Variants in RANGAP1 observed in about 807,000 individuals in gnomAD.
RANGAP1 encodes Ran GTPase activating protein 1.
A neutral mutation model predicts 63.5 loss-of-function variants in RANGAP1; 38 were observed. The ratio of observed to expected loss-of-function variants is 0.60; its 90% confidence interval spans 0.46 to 0.78. The LOEUF (loss-of-function observed/expected upper bound fraction) is 0.78. Ranked by LOEUF, RANGAP1 falls within the 30% of genes least tolerant of loss-of-function variation. RANGAP1 has a pLI of 0.00. For missense variants in RANGAP1, 630 were observed against 740.3 expected (o/e 0.85, Z 1.73); for synonymous variants, 329 against 310.5 (o/e 1.06, Z -0.63).
intron 10 of RANGAP1, 69 bp downstream of exon 10, chr22:41,255,952 T>A (rs1279194325): frequency 2.0e-6 from 3 of 1,482,254 alleles, no homozygotes; most frequent in African/African-American, 2.8e-5. Context: ...AGACTCCATC[T>A]CAAGAACAAA....
chr22:41,297,183 G>T, the RANGAP1 span, among the ~76,000 whole-genome samples: 2 of 152,156 alleles, frequency 1.3e-5, no homozygotes, highest in Admixed American at 6.6e-5. Context: ...CTACACTCCT[G>T]CCTGGACAAC....
intron 11 of RANGAP1, among the ~76,000 whole-genome samples, chr22:41,253,691 A>C (rs1321480959): frequency 6.6e-6 from 1 of 152,242 alleles, no homozygotes; most frequent in Non-Finnish European, 1.5e-5. Context: ...AAAAAAAATC[A>C]GAATTTCTAT....
intron 3 of RANGAP1, among the ~76,000 whole-genome samples, chr22:41,270,654 G>A (rs2034753364): frequency 6.6e-6 from 1 of 152,146 alleles, no homozygotes; most frequent in African/African-American, 2.4e-5. Flanking sequence ...TCCCTATGTT[G>A]TCCAGGCTTG....
At chr22:41,271,767 C>G (rs1046678006) in intron 3 of RANGAP1, among the ~76,000 whole-genome samples, 6 of 152,120 alleles carry the variant, frequency 3.9e-5, no homozygotes, top group Non-Finnish European at 8.8e-5. Context: ...TGACTCTGGG[C>G]TACACTTCTC....
chr22:41,257,706 G>A lies in RANGAP1; in HGVS notation c.774+242C>T, dbSNP rs2033924169. On this transcript the variant is annotated intron_variant, in intron 7 of 15. Coordinates refer to ENST00000356244, the MANE Select transcript of RANGAP1 (RefSeq NM_002883.4). The surrounding 1 kb of genome is among the most constrained non-coding windows in gnomAD (Gnocchi z 4.0). The stretch of plus-strand genomic sequence containing the variant: ...AAACCAGCGGCAGCCGCTGGGGGCT[G>A]CAGAGGCGGCTCAGGAGAAGGTGGC... Among the ~76,000 whole-genome samples the A allele has an allele frequency of 6.6e-6, 1 of 152,260 alleles. No individual in the cohort carries two copies. The highest frequency in any genetic ancestry group is 1.5e-5 in the Non-Finnish European group (1 of 68,044).
intron 2 of RANGAP1, chr22:41,277,559 T>C (rs1327793579): frequency 1.8e-6 from 2 of 1,141,506 alleles, no homozygotes; most frequent in Non-Finnish European, 2.3e-6. Context: ...GTATGGGAGA[T>C]AAAGTTTGAA....
upstream of RANGAP1, among the ~76,000 whole-genome samples, chr22:41,289,785 C>T (rs1338803111): frequency 1.3e-5 from 2 of 152,092 alleles, no homozygotes; most frequent in African/African-American, 4.8e-5. Context: ...TAGTGTCATC[C>T]AAGACTATCT....
At chr22:41,266,302 C>T (rs903863677) in intron 4 of RANGAP1, among the ~76,000 whole-genome samples, 3 of 152,132 alleles carry the variant, frequency 2.0e-5, no homozygotes, top group African/African-American at 4.8e-5. Context: ...TCTTCTAACC[C>T]CAAATTCTCT....
At chr22:41,251,627 G>GAA (rs5845493) in intron 12 of RANGAP1, among the ~76,000 whole-genome samples, 18 of 112,734 alleles carry the variant, frequency 1.6e-4, no homozygotes, top group Middle Eastern at 5.0e-3. Context: ...CATTGTCTCA[G>GAA]AAAAAAAAAA....
At chr22:41,246,735 G>A in intron 15 of RANGAP1, 63 bp from the exon 16 acceptor site, 3 of 1,415,184 alleles carry the variant, frequency 2.1e-6, no homozygotes, top group Non-Finnish European at 2.9e-6. Flanking sequence ...CAAGTGTGGG[G>A]GCCATTTTGG....
Position 41,246,447 on chromosome 22 carries a change from C to T in RANGAP1, c.*156G>A. On this transcript the variant is annotated 3_prime_UTR_variant, in exon 16 of 16. Coordinates refer to ENST00000356244, the MANE Select transcript of RANGAP1 (RefSeq NM_002883.4). ...GACCTGCACATGCGCCACACCCACA[C>T]ACATACTCAGGGGACTGACAGGACA... 1 of 742,752 alleles carries T rather than the reference C, an allele frequency of 1.3e-6. No individual in the cohort carries two copies. Among genetic ancestry groups the T allele is most frequent in the Non-Finnish European group, 2.2e-6 (1 of 457,184 alleles). The allele number at this position is 742,752 out of a possible 1,614,324, so 46.0% of individuals were successfully genotyped here.
the RANGAP1 span, among the ~76,000 whole-genome samples, chr22:41,297,755 A>G: frequency 1.5e-5 from 2 of 129,990 alleles, no homozygotes; most frequent in African/African-American, 6.0e-5. Flanking sequence ...CAGTTGTGTG[A>G]TCTTGGCTCA....
rs746729594 is a variant in RANGAP1, at chr22:41,256,112, A to G, written c.989-7T>C. On this transcript the variant is annotated splice_polypyrimidine_tract_variant and splice_region_variant and intron_variant, in intron 9 of 15. Transcript: ENST00000356244. ...TCTTCTCCCAGGGTGTTGCCTGCTC[A>G]AGGGGAGGGAAGAGCAGTCAGCCGG... is the stretch of plus-strand genomic sequence containing the variant. The G allele has an allele frequency of 1.9e-6, 3 of 1,613,948 alleles. No individual in the cohort carries two copies.
intron 5 of RANGAP1, among the ~76,000 whole-genome samples, chr22:41,263,202 G>C (rs1362789895): frequency 6.6e-6 from 1 of 152,164 alleles, no homozygotes; most frequent in African/African-American, 2.4e-5. Context: ...CAGTAGGAAA[G>C]CTCCCTGAGC....
intron 2 of RANGAP1, among the ~76,000 whole-genome samples, chr22:41,276,155 A>G (rs2035130041): frequency 6.6e-6 from 1 of 152,228 alleles, no homozygotes; most frequent in African/African-American, 2.4e-5. Context: ...ATATGTATTC[A>G]CACACAAACA....
intron 1 of RANGAP1, chr22:41,285,598 T>C (rs2035712383): frequency 1.0e-6 from 1 of 985,262 alleles, no homozygotes; most frequent in Non-Finnish European, 1.2e-6. Context: ...GTGGGCCTGC[T>C]GGGAGGTGGC....
In RANGAP1 at chr22:41,281,092, C is replaced by T. The variant is rs1360599088; in HGVS notation, c.-38-10G>A. ...CCTGGAGATCTGCAGACTGAGGAGGCCAAAGTTGCAGTAAGAAAAAGGAGT... is the reference window on the plus strand; with the variant it reads ...CCTGGAGATCTGCAGACTGAGGAGGTCAAAGTTGCAGTAAGAAAAAGGAGT... On this transcript the variant is annotated splice_polypyrimidine_tract_variant and intron_variant, in intron 1 of 15. Coordinates refer to ENST00000356244, the MANE Select transcript of RANGAP1 (RefSeq NM_002883.4). The T allele has an allele frequency of 6.5e-7, 1 of 1,527,762 alleles. No homozygotes were observed. Among genetic ancestry groups the T allele is most frequent in the East Asian group, 2.3e-5 (1 of 44,340 alleles). The allele number at this position is 1,527,762 out of a possible 1,614,324, so 94.6% of individuals were successfully genotyped here.
chr22:41,263,127 G>A (rs2034267902), intron 5 of RANGAP1, among the ~76,000 whole-genome samples: 1 of 152,090 alleles, frequency 6.6e-6, no homozygotes, highest in African/African-American at 2.4e-5. Flanking sequence ...CTCTGGTCCT[G>A]GGTCCAAAAC....
chr22:41,297,189 A>T, the RANGAP1 span, among the ~76,000 whole-genome samples: 1 of 152,138 alleles, frequency 6.6e-6, no homozygotes, highest in Non-Finnish European at 1.5e-5. Context: ...TCCTGCCTGG[A>T]CAACAGAGCA....
Sources: gnomAD v4.1 joint callset for allele counts (sites outside exome capture counted in the v4.1 genomes callset) on GRCh38, gnomAD v4.1.1 for gene constraint, Gnocchi (gnomAD v3.1) non-coding constraint, MANE v1.5 for transcripts, NCBI Gene and HGNC (gene_info 2026-07-23, HGNC 2026-07-21) for gene names.